Variants in PPM1D observed in about 807,000 individuals in gnomAD.
PPM1D encodes the protein protein phosphatase, Mg2+/Mn2+ dependent 1D, also known as protein phosphatase 1D.
In PPM1D, 52 loss-of-function variants were observed where a neutral mutation model predicts 58.3. That is an observed-to-expected ratio of 0.89 (90% CI 0.71 to 1.12). The LOEUF (loss-of-function observed/expected upper bound fraction) is 1.12, where lower values mean the gene tolerates loss of function less well. Among genes scored for constraint, PPM1D ranks in the 50% most tolerant of loss-of-function variants. The probability of loss-of-function intolerance (pLI) is 0.00; values close to 1 mark genes in which losing one functional copy is unlikely to be tolerated. For synonymous variants in PPM1D, 278 were observed against 285.1 expected, an observed-to-expected ratio of 0.98 and a Z score of 0.25; for missense variants, 564 against 777.2, an observed-to-expected ratio of 0.73 and a Z score of 3.26.
At chr17:60,601,921 G>GA (rs1410357184) in intron 1 of PPM1D, among the ~76,000 whole-genome samples, 1 of 152,160 alleles carries the variant, frequency 6.6e-6, no homozygotes, top group Non-Finnish European at 1.5e-5. Flanking sequence ...CCAGTGGTGG[G>GA]AAAAAACCTT....
At chr17:60,634,938 G>T (rs1204687954) in intron 3 of PPM1D, among the ~76,000 whole-genome samples, 3 of 151,736 alleles carry the variant, frequency 2.0e-5, no homozygotes, top group African/African-American at 7.3e-5. Flanking sequence ...GAGCCACCAC[G>T]CCTGGCTAAT....
chr17:60,602,465 G>A (rs1198125252), intron 1 of PPM1D, among the ~76,000 whole-genome samples: 1 of 151,690 alleles, frequency 6.6e-6, no homozygotes, highest in Non-Finnish European at 1.5e-5. Flanking sequence ...CGGGGGACGG[G>A]TGTGGGCCGC....
chr17:60,633,755 T>C lies in PPM1D; in HGVS notation c.702-98T>C, dbSNP rs560627275. 1.3e-5 allele frequency: 16 copies of C among 1,213,718 alleles called. No individual in the cohort carries two copies. In the South Asian group the frequency reaches 1.9e-4, roughly 14 times the overall value. 75.2% of individuals were successfully genotyped at this position (1,213,718 alleles called of 1,614,324 possible). ...AAACACATAAGACATTATTTTGTAA[T>C]AATGTAGTCTTATTTTATTAGTGAT... is the stretch of plus-strand genomic sequence containing the variant. On this transcript the variant is annotated intron_variant, in intron 2 of 5. Transcript: ENST00000305921.
chr17:60,656,527 T>C, intron 4 of PPM1D, 72 bp from the exon 5 acceptor site: 1 of 1,537,180 alleles, frequency 6.5e-7, no homozygotes, highest in Non-Finnish European at 8.8e-7. Flanking sequence ...AAATATTTAA[T>C]TTGATATAGA....
At chr17:60,604,295 C>T (rs1031001948) in intron 1 of PPM1D, among the ~76,000 whole-genome samples, 7 of 152,168 alleles carry the variant, frequency 4.6e-5, no homozygotes, top group African/African-American at 1.4e-4. Context: ...ATTTTTCAAG[C>T]AACAATTAGA....
Position 60,600,531 on chromosome 17 carries a change from C to T in PPM1D, c.117C>T (p.Pro39=), listed in dbSNP as rs2030181192. Residue 39 remains proline, a synonymous_variant, in exon 1 of 6, where the codon CCC becomes CCT. Transcript: ENST00000305921. ...CCGAACCGACGGCTGAAGAAAAGCC[C>T]TCGCCGCGGCGGTCGCTGTCTCAGC... ...VEPEPTAEEK[P]SPRRSLSQPL... 2 of 1,557,222 alleles carry T rather than the reference C, an allele frequency of 1.3e-6. No homozygotes were observed. The highest frequency in any genetic ancestry group is 1.4e-5 in the African/African-American group (1 of 73,426).
At chr17:60,652,931 T>G (rs1036796585) in intron 4 of PPM1D, among the ~76,000 whole-genome samples, 1 of 152,218 alleles carries the variant, frequency 6.6e-6, no homozygotes, top group Admixed American at 6.5e-5. Flanking sequence ...GATGGATAGT[T>G]TGCAGATGTT....
At chr17:60,638,698 A>G (rs1567972587) in intron 3 of PPM1D, among the ~76,000 whole-genome samples, 1 of 152,122 alleles carries the variant, frequency 6.6e-6, no homozygotes, top group Non-Finnish European at 1.5e-5. Context: ...TAAAAGAGCC[A>G]TGTTATTGGT....
At chr17:60,601,809 T>C (rs942632875) in intron 1 of PPM1D, among the ~76,000 whole-genome samples, 6 of 152,234 alleles carry the variant, frequency 3.9e-5, no homozygotes, top group African/African-American at 1.4e-4. Flanking sequence ...GCAGGATTTC[T>C]GTGCCCAACA....
At chr17:60,644,866 A>C (rs2031204606) in intron 3 of PPM1D, among the ~76,000 whole-genome samples, 1 of 152,234 alleles carries the variant, frequency 6.6e-6, no homozygotes, top group Admixed American at 6.5e-5. Context: ...CGCACCCAAG[A>C]AAACCATGAA....
intron 1 of PPM1D, among the ~76,000 whole-genome samples, chr17:60,612,774 A>C (rs2030487147): frequency 6.6e-6 from 1 of 152,150 alleles, no homozygotes; most frequent in Non-Finnish European, 1.5e-5. Context: ...ATAAATAAGA[A>C]ACAGCAGCAT....
intron 1 of PPM1D, among the ~76,000 whole-genome samples, chr17:60,603,836 T>G (rs2143615503): frequency 6.6e-6 from 1 of 152,326 alleles, no homozygotes; most frequent in East Asian, 1.9e-4. Context: ...GGTTGAAGTA[T>G]CTAAAGAAAT....
In PPM1D at chr17:60,600,406, C is replaced by T. The variant is rs766066460; in HGVS notation, c.-9C>T. ...TGCGTGGGACCGGCGGGATCCCGGCCAGCCGGCCATGGCGGGGCTGTACTC... is the reference window on the plus strand; with the variant it reads ...TGCGTGGGACCGGCGGGATCCCGGCTAGCCGGCCATGGCGGGGCTGTACTC... On this transcript the variant is annotated 5_prime_UTR_variant, in exon 1 of 6. Transcript: ENST00000305921. 8.2e-5 allele frequency: 126 copies of T among 1,542,468 alleles called. No homozygotes were observed. The highest frequency in any genetic ancestry group is 1.0e-4 in the Non-Finnish European group (116 of 1,144,884).
intron 1 of PPM1D, among the ~76,000 whole-genome samples, chr17:60,602,404 A>G (rs1477124060): frequency 3.3e-5 from 5 of 151,624 alleles, no homozygotes; most frequent in Non-Finnish European, 7.4e-5. Context: ...TAAGGTATAA[A>G]CTCCGTTACA....
Position 60,663,467 on chromosome 17 carries a change from T to C in PPM1D, c.1733T>C (p.Leu578Pro). 6.2e-7 allele frequency: 1 copy of C among 1,614,064 alleles called. No homozygotes were observed. The highest frequency in any genetic ancestry group is 8.5e-7 in the Non-Finnish European group (1 of 1,180,038). ...TCACAGCGAAAGAACTCTGTTAAAC[T>C]CACCATGCGACGCAGACTTAGGGGC... ...TTSQRKNSVKLTMRRRLRGQK... is the reference protein window; with the variant it reads ...TTSQRKNSVKPTMRRRLRGQK... Residue 578 changes from leucine to proline, a missense_variant, in exon 6 of 6, where the codon CTC becomes CCC. Around this residue, in one of 7 missense-constraint regions of PPM1D, gnomAD observed 261 missense variants for 270.1 expected, o/e 0.97. Transcript: ENST00000305921.
chr17:60,614,685 G>A (rs1256824122), intron 1 of PPM1D, among the ~76,000 whole-genome samples: 2 of 152,122 alleles, frequency 1.3e-5, no homozygotes, highest in African/African-American at 2.4e-5. Flanking sequence ...CACTCACTGC[G>A]AAGGTCTGCA....
intron 1 of PPM1D, among the ~76,000 whole-genome samples, chr17:60,621,902 T>C (rs1161364089): frequency 7.1e-6 from 1 of 139,996 alleles, no homozygotes; most frequent in Non-Finnish European, 1.5e-5. Context: ...AAAAAAAAAT[T>C]ATCGGCCAGG....
intron 1 of PPM1D, among the ~76,000 whole-genome samples, chr17:60,607,902 C>A (rs1006930853): frequency 6.6e-5 from 10 of 152,122 alleles, no homozygotes; most frequent in African/African-American, 2.2e-4. Context: ...CCAAGGAAAT[C>A]GTGAAGAAGT....
At chr17:60,611,879 T>C (rs2030462600) in intron 1 of PPM1D, among the ~76,000 whole-genome samples, 1 of 152,142 alleles carries the variant, frequency 6.6e-6, no homozygotes, top group Non-Finnish European at 1.5e-5. Flanking sequence ...CTCATGTTTT[T>C]AAAGATGCTA....
Sources: gnomAD v4.1 joint callset for allele counts (sites outside exome capture counted in the v4.1 genomes callset) on GRCh38, gnomAD v4.1.1 for gene constraint, gnomAD v4.1.1 regional missense constraint, MANE v1.5 for transcripts, NCBI Gene and HGNC (gene_info 2026-07-23, HGNC 2026-07-21) for gene names.